The following P4HB variants were observed in gnomAD, a reference collection of about 807,000 sequenced individuals.
P4HB encodes prolyl 4-hydroxylase subunit beta.
Under a neutral mutation model 52.6 loss-of-function variants are expected in P4HB, and 20 were observed. The observed-to-expected ratio is 0.38, with a 90% CI of 0.27 to 0.55. The LOEUF (loss-of-function observed/expected upper bound fraction) is 0.55. Ranked by LOEUF, P4HB falls within the 20% of genes least tolerant of loss-of-function variation. The probability of loss-of-function intolerance (pLI) is 0.74; values close to 1 mark genes in which losing one functional copy is unlikely to be tolerated. For missense variants in P4HB, 601 were observed against 669.2 expected (o/e 0.90, Z 1.12); for synonymous variants, 296 against 277.9 (o/e 1.07, Z -0.65).
intron 4 of P4HB, among the ~76,000 whole-genome samples, chr17:81,854,840 A>C (rs1012427808): frequency 1.7e-4 from 24 of 140,150 alleles, no homozygotes; most frequent in South Asian, 6.6e-4. Flanking sequence ...AGACTCTCCC[A>C]AAAAAAAAAA....
chr17:81,856,381 A>G (rs557714746), intron 2 of P4HB, among the ~76,000 whole-genome samples: 1 of 141,306 alleles, frequency 7.1e-6, no homozygotes, highest in East Asian at 2.1e-4. Flanking sequence ...CTTGTTGCTC[A>G]GGCTGGAGTG....
In P4HB at chr17:81,843,585, G is replaced by C. The variant is rs1255950727; in HGVS notation, c.*427C>G. ...TCCGTCCCTCCCACACGGGGGACAAGCTTCTCCGAGGAGGCCTGGCCAAGG... is the reference window on the plus strand; with the variant it reads ...TCCGTCCCTCCCACACGGGGGACAACCTTCTCCGAGGAGGCCTGGCCAAGG... On this transcript the variant is annotated 3_prime_UTR_variant, in exon 11 of 11. Transcript: ENST00000331483. The C allele has an allele frequency of 6.8e-6, 3 of 443,180 alleles. No homozygotes were observed. The highest frequency in any genetic ancestry group is 6.0e-5 in the African/African-American group (3 of 49,652). The allele number at this position is 443,180 out of a possible 1,614,324, so 27.5% of individuals were successfully genotyped here.
In P4HB at chr17:81,855,024, A is replaced by C; in HGVS notation, c.624+118T>G. On this transcript the variant is annotated intron_variant, in intron 4 of 10. Coordinates refer to ENST00000331483, the MANE Select transcript of P4HB (RefSeq NM_000918.4). This position sits in a 1 kb window ranked among gnomAD's most constrained non-coding sequence, Gnocchi z 4.3. ...CCCCAACTTGGCAAAGCTGCAGAAC[A>C]TACCTATTGGGCCAAAGGTGCCAGG... The C allele has an allele frequency of 1.0e-6, 1 of 967,218 alleles. No individual in the cohort carries two copies. Among genetic ancestry groups the C allele is most frequent in the East Asian group, 2.4e-5 (1 of 41,758 alleles). 59.9% of individuals were successfully genotyped at this position (967,218 alleles called of 1,614,324 possible).
chr17:81,851,877 A>G (rs1035899222), intron 4 of P4HB, among the ~76,000 whole-genome samples: 5 of 152,214 alleles, frequency 3.3e-5, no homozygotes, highest in African/African-American at 7.2e-5. Flanking sequence ...CACGGTGACA[A>G]ACAGCATAGA....
intron 4 of P4HB, among the ~76,000 whole-genome samples, chr17:81,851,754 G>C (rs2038834803): frequency 6.6e-6 from 1 of 152,162 alleles, no homozygotes. Flanking sequence ...GCTGTCCCAG[G>C]GCTGCCATCG....
intron 9 of P4HB, 125 bp downstream of exon 9, chr17:81,845,436 G>A (rs1192286984): frequency 1.0e-6 from 1 of 982,044 alleles, no homozygotes; most frequent in East Asian, 2.6e-5. Context: ...GCTTCTGAAG[G>A]AGCTCCCACA....
intron 10 of P4HB, 34 bp from the exon 11 acceptor site, chr17:81,844,126 T>C (rs754611180): frequency 1.2e-5 from 18 of 1,479,840 alleles, no homozygotes; most frequent in East Asian, 2.3e-5. Context: ...GGCGGGCAGG[T>C]TGGCTGCAAC....
rs1265605892 is a variant in P4HB, at chr17:81,843,473, G to C, written c.*539C>G. On this transcript the variant is annotated 3_prime_UTR_variant, in exon 11 of 11. Coordinates refer to ENST00000331483, the MANE Select transcript of P4HB (RefSeq NM_000918.4). The stretch of plus-strand genomic sequence containing the variant: ...ATGGGGGACACCCTGACAGGATCCG[G>C]AAGTCTCCATTTACCCAAAAATGCA... The C allele has an allele frequency of 7.5e-6, 3 of 400,394 alleles. No individual in the cohort carries two copies. The highest frequency in any genetic ancestry group is 2.1e-5 in the African/African-American group (1 of 48,766). 24.8% of individuals were successfully genotyped at this position (400,394 alleles called of 1,614,324 possible). A position where few individuals can be genotyped will look rare whatever the true frequency, so the allele number is the denominator to read the frequency against.
intron 1 of P4HB, 105 bp downstream of exon 1, chr17:81,860,222 G>C: frequency 4.1e-6 from 4 of 964,306 alleles, no homozygotes; most frequent in Non-Finnish European, 5.5e-6. Context: ...TCAGTTCCGG[G>C]CGCGCCGGGG....
chr17:81,857,630 T>G (rs1204683901), intron 2 of P4HB, among the ~76,000 whole-genome samples: 2 of 152,286 alleles, frequency 1.3e-5, no homozygotes, highest in Middle Eastern at 3.4e-3. Flanking sequence ...GCCTCCTAAC[T>G]TATCCCAGGC....
chr17:81,855,790 T>C lies in P4HB; in HGVS notation c.353-204A>G. The C allele has an allele frequency of 3.6e-6, 2 of 555,644 alleles. No individual in the cohort carries two copies. Among genetic ancestry groups the C allele is most frequent in the Non-Finnish European group, 6.3e-6 (2 of 318,256 alleles). 34.4% of individuals were successfully genotyped at this position (555,644 alleles called of 1,614,324 possible). A position where few individuals can be genotyped will look rare whatever the true frequency, so the allele number is the denominator to read the frequency against. On this transcript the variant is annotated intron_variant, in intron 2 of 10. Coordinates refer to ENST00000331483, the MANE Select transcript of P4HB (RefSeq NM_000918.4). This position sits in a 1 kb window ranked among gnomAD's most constrained non-coding sequence, Gnocchi z 4.3. ...GTACGTGAGACTGTGGTTGTGTTTA[T>C]GGGGAGTGGAGAGGGAAGAGGGTGA...
rs1001668523 is a variant in P4HB, at chr17:81,852,122, G to A, written c.624+3020C>T. Among the ~76,000 whole-genome samples the A allele has an allele frequency of 1.3e-5, 2 of 152,344 alleles. 1 individual carries two copies. ...TGCTTGAGCCCAGGAGGTCGAAGCT[G>A]CAGTGAAGTGTGATTGTGCCACCGC... On this transcript the variant is annotated intron_variant, in intron 4 of 10. Coordinates refer to ENST00000331483, the MANE Select transcript of P4HB (RefSeq NM_000918.4).
chr17:81,855,769 G>A lies in P4HB; in HGVS notation c.353-183C>T, dbSNP rs2038904493. 6.5e-6 allele frequency: 4 copies of A among 611,374 alleles called. No individual in the cohort carries two copies. The highest frequency in any genetic ancestry group is 3.7e-5 in the African/African-American group (2 of 54,098). The allele number at this position is 611,374 out of a possible 1,614,324, so 37.9% of individuals were successfully genotyped here. A position where few individuals can be genotyped will look rare whatever the true frequency, so the allele number is the denominator to read the frequency against. ...GCCCGCCTCCTAAACCCCAGTGTAC[G>A]TGAGACTGTGGTTGTGTTTATGGGG... is the stretch of plus-strand genomic sequence containing the variant. On this transcript the variant is annotated intron_variant, in intron 2 of 10. Transcript: ENST00000331483. The surrounding 1 kb of genome is among the most constrained non-coding windows in gnomAD (Gnocchi z 4.3).
At chr17:81,854,900 G>A (rs567086025) in intron 4 of P4HB, among the ~76,000 whole-genome samples, 2 of 146,280 alleles carry the variant, frequency 1.4e-5, no homozygotes, top group African/African-American at 5.2e-5. Flanking sequence ...AAAAAAAAAA[G>A]CTAACAGTCA....
intron 4 of P4HB, among the ~76,000 whole-genome samples, chr17:81,854,727 A>G (rs1178547819): frequency 6.6e-6 from 1 of 151,978 alleles, no homozygotes; most frequent in Non-Finnish European, 1.5e-5. Flanking sequence ...CTGTAGTCCC[A>G]GCTACTCGGG....
At chr17:81,853,225 C>T (rs1357006173) in intron 4 of P4HB, among the ~76,000 whole-genome samples, 1 of 152,200 alleles carries the variant, frequency 6.6e-6, no homozygotes, top group African/African-American at 2.4e-5. Flanking sequence ...CTCCAGGAAG[C>T]TGGCTCTACC....
Position 81,855,631 on chromosome 17 carries a change from C to T in P4HB, c.353-45G>A, listed in dbSNP as rs776263779. The T allele has an allele frequency of 3.8e-6, 6 of 1,585,892 alleles. No individual in the cohort carries two copies. Among genetic ancestry groups the T allele is most frequent in the Admixed American group, 1.7e-5 (1 of 58,440 alleles). On this transcript the variant is annotated intron_variant, in intron 2 of 10. Transcript: ENST00000331483. This position sits in a 1 kb window ranked among gnomAD's most constrained non-coding sequence, Gnocchi z 4.3. ...GGTTCTACTCTCAAACAGGGAGTGC[C>T]GCCTGCCCTGCCGCGCCTGCTCCCG... is the stretch of plus-strand genomic sequence containing the variant.
chr17:81,845,279 A>G (rs541728021), intron 9 of P4HB, 49 bp from the exon 10 acceptor site: 103 of 1,447,410 alleles, frequency 7.1e-5, no homozygotes, highest in Non-Finnish European at 7.9e-5. Context: ...CCCAGAGCCA[A>G]TCTCCTGGCA....
In P4HB at chr17:81,860,435, C is replaced by A. The variant is rs773197148; in HGVS notation, c.37G>T (p.Ala13Ser). The A allele has an allele frequency of 2.1e-6, 3 of 1,409,688 alleles. No homozygotes were observed. Among genetic ancestry groups the A allele is most frequent in the Admixed American group, 3.0e-5 (1 of 33,282 alleles). 87.3% of individuals were successfully genotyped at this position (1,409,688 alleles called of 1,614,324 possible). A position where few individuals can be genotyped will look rare whatever the true frequency, so the allele number is the denominator to read the frequency against. ...RRALLCLAVA[A>S]LVRADAPEEE... ...TCGGGGGCGTCGGCGCGCACCAGGG[C>A]GGCCACGGCCAGGCACAGCAGAGCG... Residue 13 changes from alanine (A) to serine (S), a missense_variant, in exon 1 of 11, where the codon GCC (alanine) becomes TCC (serine). Transcript: ENST00000331483.
Sources: gnomAD v4.1 joint callset for allele counts (sites outside exome capture counted in the v4.1 genomes callset) on GRCh38, gnomAD v4.1.1 for gene constraint, Gnocchi (gnomAD v3.1) non-coding constraint, MANE v1.5 for transcripts, NCBI Gene and HGNC (gene_info 2026-07-23, HGNC 2026-07-21) for gene names.